Variants in FIBCD1 observed in about 807,000 individuals in gnomAD.
The protein encoded by FIBCD1 is fibrinogen C domain containing 1.
A neutral mutation model predicts 45.1 loss-of-function variants in FIBCD1; 47 were observed. That is an observed-to-expected ratio of 1.04 (90% CI 0.82 to 1.33). FIBCD1 has a LOEUF of 1.33. FIBCD1 is among the 40% of genes most tolerant of loss of function. The probability of loss-of-function intolerance (pLI) is 0.00; values close to 1 mark genes in which losing one functional copy is unlikely to be tolerated. For synonymous variants in FIBCD1, 313 were observed against 308.1 expected (o/e 1.02, Z -0.17); for missense variants, 653 against 682.2 (o/e 0.96, Z 0.48).
At chr9:130,913,458 T>C (rs1312626777) in intron 4 of FIBCD1, among the ~76,000 whole-genome samples, 2 of 151,950 alleles carry the variant, frequency 1.3e-5, no homozygotes, top group Non-Finnish European at 2.9e-5. Context: ...CGTGAGCGTT[T>C]GCCAATGCTC....
At chr9:130,937,384 G>A (rs1167095548) in intron 1 of FIBCD1, among the ~76,000 whole-genome samples, 6 of 152,180 alleles carry the variant, frequency 3.9e-5, no homozygotes, top group Admixed American at 3.9e-4. Context: ...TCCCTGGTCT[G>A]TGATGTGGGA....
chr9:130,906,939 C>T (rs1831939326), intron 5 of FIBCD1, among the ~76,000 whole-genome samples: 3 of 152,138 alleles, frequency 2.0e-5, no homozygotes, highest in Non-Finnish European at 4.4e-5. Flanking sequence ...CCTATTACTA[C>T]CTATTTTATA....
intron 1 of FIBCD1, chr9:130,933,857 T>G (rs924475888): frequency 1.3e-5 from 2 of 151,890 alleles, no homozygotes; most frequent in African/African-American, 2.4e-5. Context: ...GGGACCACAC[T>G]CCACAGATGA....
intron 4 of FIBCD1, among the ~76,000 whole-genome samples, chr9:130,917,764 G>A (rs1394240769): frequency 6.6e-6 from 1 of 152,190 alleles, no homozygotes; most frequent in Non-Finnish European, 1.5e-5. Flanking sequence ...CCACAGCCCT[G>A]GAGGGACGAC....
At chr9:130,907,334 G>A (rs1358199209) in intron 5 of FIBCD1, among the ~76,000 whole-genome samples, 2 of 152,088 alleles carry the variant, frequency 1.3e-5, no homozygotes, top group Non-Finnish European at 2.9e-5. Context: ...TCCCTCCCTC[G>A]CCTCCCTGCC....
intron 2 of FIBCD1, among the ~76,000 whole-genome samples, chr9:130,925,921 G>A (rs762662108): frequency 1.4e-4 from 22 of 152,152 alleles, no homozygotes; most frequent in Non-Finnish European, 5.9e-5. Flanking sequence ...TATGATTCCC[G>A]GCTCGTCCAG....
intron 1 of FIBCD1, among the ~76,000 whole-genome samples, chr9:130,937,266 G>A (rs546131039): frequency 3.9e-5 from 6 of 152,240 alleles, no homozygotes; most frequent in East Asian, 3.9e-4. Flanking sequence ...AGAGGGGCGC[G>A]ACCACCCCGG....
In FIBCD1 at chr9:130,903,788, T is replaced by C; in HGVS notation, c.*276A>G. 2 of 554,152 alleles carry C rather than the reference T, an allele frequency of 3.6e-6. No homozygotes were observed. Among genetic ancestry groups the C allele is most frequent in the Non-Finnish European group, 3.3e-6 (1 of 301,400 alleles). 34.3% of individuals were successfully genotyped at this position (554,152 alleles called of 1,614,324 possible). On this transcript the variant is annotated 3_prime_UTR_variant, in exon 7 of 7. Transcript: ENST00000372338. ...ACGGCAAACAGCACCGGAGTCACAG[T>C]GGGGGCAGGCAGGAGTTGGGGTCGT...
intron 4 of FIBCD1, among the ~76,000 whole-genome samples, chr9:130,913,063 T>C (rs10113902): frequency 0.53 from 80,799 of 151,836 alleles, 23,605 homozygotes; most frequent in African/African-American, 0.78. Context: ...AACGAGCGCC[T>C]GGGCTGCCTC....
intron 4 of FIBCD1, among the ~76,000 whole-genome samples, chr9:130,917,467 A>G (rs113203681): frequency 9.4e-5 from 14 of 148,244 alleles, no homozygotes; most frequent in African/African-American, 2.4e-4. Flanking sequence ...AAGGAGTGAC[A>G]GCTCTGGACG....
intron 5 of FIBCD1, among the ~76,000 whole-genome samples, chr9:130,908,636 T>A (rs1270832984): frequency 1.3e-5 from 2 of 151,868 alleles, no homozygotes; most frequent in South Asian, 4.1e-4. Flanking sequence ...AACTTCCTCA[T>A]CTCTAAAAGG....
chr9:130,919,476 C>A (rs73656073), intron 4 of FIBCD1, among the ~76,000 whole-genome samples: 5,007 of 152,318 alleles, frequency 0.033, 295 homozygotes, highest in African/African-American at 0.12. Flanking sequence ...GGTCCTGCTG[C>A]TCAGCCTCCC....
intron 2 of FIBCD1, 126 bp downstream of exon 2, chr9:130,929,441 A>G: frequency 4.0e-6 from 5 of 1,260,502 alleles, no homozygotes; most frequent in Non-Finnish European, 5.3e-6. Flanking sequence ...TGGGAACAGC[A>G]GTAGCCCCTT....
Position 130,902,748 on chromosome 9 carries a change from AC to A in FIBCD1, c.*1315del, listed in dbSNP as rs1831857801. 1 of 152,226 alleles carries A rather than the reference AC, an allele frequency of 6.6e-6. No homozygotes were observed. Among genetic ancestry groups the A allele is most frequent in the Non-Finnish European group, 1.5e-5 (1 of 68,056 alleles). 9.4% of individuals were successfully genotyped at this position (152,226 alleles called of 1,614,324 possible). A position where few individuals can be genotyped will look rare whatever the true frequency, so the allele number is the denominator to read the frequency against. On this transcript the variant is annotated 3_prime_UTR_variant, in exon 7 of 7. Transcript: ENST00000372338. ...CCTGCATCTGGGCCTGACGTAACGCACGCGGGTCCAGGGCTGCTGAGCAGAC... is the reference window on the plus strand; with the variant it reads ...CCTGCATCTGGGCCTGACGTAACGCAGCGGGTCCAGGGCTGCTGAGCAGAC...
upstream of FIBCD1, among the ~76,000 whole-genome samples, chr9:130,939,606 A>G (rs1396452667): frequency 6.6e-6 from 1 of 151,848 alleles, no homozygotes; most frequent in East Asian, 1.9e-4. Context: ...CACCACTGCC[A>G]CAGCCGCCGG....
At chr9:130,939,325 G>C (rs1215364694), upstream of FIBCD1, 28 of 152,176 alleles carry the variant, frequency 1.8e-4, no homozygotes. Flanking sequence ...AGGACGCAGG[G>C]CTCGCCCCAA....
At chr9:130,908,817 C>T (rs993813338) in intron 5 of FIBCD1, among the ~76,000 whole-genome samples, 2 of 152,104 alleles carry the variant, frequency 1.3e-5, no homozygotes, top group East Asian at 1.9e-4. Context: ...CACCAGGGCA[C>T]GGCAGGTCAG....
intron 4 of FIBCD1, among the ~76,000 whole-genome samples, chr9:130,921,261 G>A (rs545889588): frequency 4.6e-5 from 7 of 152,382 alleles, no homozygotes; most frequent in East Asian, 1.9e-4. Context: ...CTAGCAGTTC[G>A]GACAGGGAGT....
At chr9:130,916,032 C>T (rs917731969) in intron 4 of FIBCD1, among the ~76,000 whole-genome samples, 2 of 152,162 alleles carry the variant, frequency 1.3e-5, no homozygotes, top group Admixed American at 6.5e-5. Context: ...CAGGTTCAAG[C>T]AATTCTCTGC....
Sources: allele counts gnomAD v4.1 joint callset (sites outside exome capture counted in the v4.1 genomes callset), GRCh38; gene constraint gnomAD v4.1.1; transcripts MANE v1.5; gene names NCBI Gene and HGNC (gene_info 2026-07-23, HGNC 2026-07-21).